The following SYT1 variants were observed in gnomAD, a reference collection of about 807,000 sequenced individuals.
SYT1 encodes the protein synaptotagmin-1.
SYT1 carries 8 observed loss-of-function variants against 44.8 expected under a neutral mutation model. The observed-to-expected ratio is 0.18, with a 90% confidence interval of 0.10 to 0.32. The LOEUF (loss-of-function observed/expected upper bound fraction) is 0.32, where lower values mean the gene tolerates loss of function less well. Among genes scored for constraint, SYT1 ranks in the 10% least tolerant of loss-of-function variants. SYT1 has a pLI of 1.00. For synonymous variants in SYT1, 154 were observed against 188.8 expected, an observed-to-expected ratio of 0.82 and a Z score of 1.51; for missense variants, 286 against 509.3, an observed-to-expected ratio of 0.56 and a Z score of 4.22.
chr12:79,089,136 G>A (rs1158215803), intron 3 of SYT1, among the ~76,000 whole-genome samples: 1 of 152,038 alleles, frequency 6.6e-6, no homozygotes, highest in Non-Finnish European at 1.5e-5. Context: ...AAGATCCAAG[G>A]TGAGAAATGG....
intron 4 of SYT1, among the ~76,000 whole-genome samples, chr12:79,218,413 G>A (rs561234409): frequency 7.2e-5 from 11 of 152,256 alleles, no homozygotes; most frequent in African/African-American, 2.2e-4. Flanking sequence ...ATTCCACAAT[G>A]TATCAAAATA....
At chr12:79,245,367 C>T (rs1876774798) in intron 4 of SYT1, among the ~76,000 whole-genome samples, 1 of 146,034 alleles carries the variant, frequency 6.8e-6, no homozygotes, top group African/African-American at 2.5e-5. Context: ...CCCAGCTACT[C>T]GGGAGTTTGA....
intron 2 of SYT1, among the ~76,000 whole-genome samples, chr12:79,030,646 C>T (rs1037835768): frequency 6.6e-6 from 1 of 150,972 alleles, no homozygotes; most frequent in African/African-American, 2.4e-5. Flanking sequence ...AGATTTCTTG[C>T]TTTTCTATTT....
At chr12:79,244,242 A>G (rs913171866) in intron 4 of SYT1, among the ~76,000 whole-genome samples, 2 of 152,206 alleles carry the variant, frequency 1.3e-5, no homozygotes, top group African/African-American at 4.8e-5. Flanking sequence ...TGCACATGCC[A>G]TACTCTCATT....
intron 3 of SYT1, among the ~76,000 whole-genome samples, chr12:79,048,817 T>C (rs943364370): frequency 1.3e-5 from 2 of 151,904 alleles, no homozygotes; most frequent in African/African-American, 4.8e-5. Flanking sequence ...TTACAAGATA[T>C]GAAATAAGTG....
At chr12:79,032,853 A>G (rs1052193254) in intron 2 of SYT1, among the ~76,000 whole-genome samples, 8 of 151,326 alleles carry the variant, frequency 5.3e-5, no homozygotes, top group African/African-American at 1.9e-4. Flanking sequence ...ATTCTATGGC[A>G]AATACCACAA....
At chr12:79,386,597 A>G (rs766366720) in intron 9 of SYT1, among the ~76,000 whole-genome samples, 3 of 152,068 alleles carry the variant, frequency 2.0e-5, no homozygotes, top group South Asian at 2.1e-4. Context: ...TTTCTATTGT[A>G]TGAACTATCT....
intron 1 of SYT1, among the ~76,000 whole-genome samples, chr12:78,871,060 A>AT (rs1054307419): frequency 6.6e-6 from 1 of 152,060 alleles, no homozygotes; most frequent in Non-Finnish European, 1.5e-5. Flanking sequence ...TCAGTATAGT[A>AT]TTTTTTTAAC....
At position 78,993,081 on chromosome 12, in the gene SYT1, C is replaced by A. The variant is rs937131914; in HGVS notation, c.-84+15150C>A. ...AATAAAATCCCTGTGCATCTACCTG[C>A]AACTCATCCCTTCTGATGGCTTTAT... On this transcript the variant is annotated intron_variant, in intron 2 of 10. Coordinates refer to ENST00000261205, the MANE Select transcript of SYT1 (RefSeq NM_005639.3). Among the ~76,000 whole-genome samples, 4 of 152,162 alleles carry A rather than the reference C, an allele frequency of 2.6e-5. No homozygotes were observed. The East Asian group carries it at 5.8e-4, about 22-fold the overall frequency.
chr12:79,173,007 G>C lies in SYT1; in HGVS notation c.-17-44496G>C, dbSNP rs200445972. On this transcript the variant is annotated intron_variant, in intron 3 of 10. Coordinates refer to ENST00000261205, the MANE Select transcript of SYT1 (RefSeq NM_005639.3). ...AAAAAAAAAAAAAAAAAAAAAAAAA[G>C]GGAGTTTGGCCTGTCCAGAAATAAA... is the stretch of plus-strand genomic sequence containing the variant. Among the ~76,000 whole-genome samples, 253 of 47,098 alleles carry C rather than the reference G, an allele frequency of 5.4e-3. 5 individuals are homozygous for C. The highest frequency in any genetic ancestry group is 0.018 in the African/African-American group (238 of 13,154). 30.9% of individuals were successfully genotyped at this position (47,098 alleles called of 152,430 possible).
chr12:78,930,633 A>G (rs970973526), intron 1 of SYT1, among the ~76,000 whole-genome samples: 2 of 151,202 alleles, frequency 1.3e-5, no homozygotes, highest in African/African-American at 4.8e-5. Context: ...AAATATTTTT[A>G]AAGATTTTCA....
chr12:78,958,507 C>A (rs1879331552), intron 1 of SYT1, among the ~76,000 whole-genome samples: 1 of 151,842 alleles, frequency 6.6e-6, no homozygotes, highest in Non-Finnish European at 1.5e-5. Flanking sequence ...CCAGCCTGGC[C>A]AACATGGTGA....
intron 1 of SYT1, among the ~76,000 whole-genome samples, chr12:78,883,752 C>T (rs567382898): frequency 6.6e-6 from 1 of 151,668 alleles, no homozygotes; most frequent in African/African-American, 2.4e-5. Context: ...TTCTCTCCAC[C>T]TTTTCTTCTT....
At chr12:79,207,718 GTTA>G (rs1389680513) in intron 3 of SYT1, among the ~76,000 whole-genome samples, 1 of 152,208 alleles carries the variant, frequency 6.6e-6, no homozygotes, top group Non-Finnish European at 1.5e-5. Flanking sequence ...GACACAGGAT[GTTA>G]TTATGATTTT....
intron 3 of SYT1, among the ~76,000 whole-genome samples, chr12:79,158,436 G>T (rs1210863055): frequency 6.6e-6 from 1 of 152,034 alleles, no homozygotes; most frequent in Non-Finnish European, 1.5e-5. Flanking sequence ...TACAAATGAA[G>T]CTTTGCTGCT....
intron 9 of SYT1, among the ~76,000 whole-genome samples, chr12:79,427,394 T>G (rs1869512972): frequency 6.6e-6 from 1 of 152,164 alleles, no homozygotes; most frequent in Non-Finnish European, 1.5e-5. Context: ...TCCAACATGC[T>G]AAGAGAATAA....
intron 3 of SYT1, among the ~76,000 whole-genome samples, chr12:79,181,021 G>A (rs114037052): frequency 3.9e-5 from 6 of 151,978 alleles, no homozygotes; most frequent in Non-Finnish European, 7.4e-5. Flanking sequence ...CCTTGCTGCC[G>A]CCACATGAAG....
chr12:79,276,077 T>G (rs1471643345), intron 4 of SYT1, among the ~76,000 whole-genome samples: 1 of 152,026 alleles, frequency 6.6e-6, no homozygotes, highest in Non-Finnish European at 1.5e-5. Context: ...AAATAAATTT[T>G]TAAATAATAA....
At chr12:79,026,939 C>T (rs1040736283) in intron 2 of SYT1, among the ~76,000 whole-genome samples, 1 of 151,254 alleles carries the variant, frequency 6.6e-6, no homozygotes, top group Non-Finnish European at 1.5e-5. Context: ...AAAGGGAATC[C>T]TGTACATTGT....
Sources: allele counts gnomAD v4.1 joint callset (sites outside exome capture counted in the v4.1 genomes callset), GRCh38; gene constraint gnomAD v4.1.1; transcripts MANE v1.5; gene names NCBI Gene and HGNC (gene_info 2026-07-23, HGNC 2026-07-21).